Variants in PTPRG observed in about 807,000 individuals in gnomAD.
PTPRG encodes the protein receptor-type tyrosine-protein phosphatase gamma.
In PTPRG, 102 loss-of-function variants were observed where a neutral mutation model predicts 165.3. The ratio of observed to expected loss-of-function variants is 0.62; its 90% CI spans 0.53 to 0.73. The LOEUF (loss-of-function observed/expected upper bound fraction) is 0.73, where lower values mean the gene tolerates loss of function less well. Ranked by LOEUF, PTPRG falls within the 30% of genes least tolerant of loss-of-function variation. The pLI, the probability that PTPRG is intolerant of heterozygous loss-of-function variation, is 0.00. For synonymous variants in PTPRG, 675 were observed against 669.5 expected (o/e 1.01, Z -0.13); for missense variants, 1,866 against 1,861.4 (o/e 1.00, Z -0.05).
intron 4 of PTPRG, among the ~76,000 whole-genome samples, chr3:62,006,838 T>A (rs73091608): frequency 0.11 from 16,393 of 152,248 alleles, 1,125 homozygotes; most frequent in Middle Eastern, 0.22. Context: ...CTAAAAGGAA[T>A]CATCCAGCCC....
intron 1 of PTPRG, among the ~76,000 whole-genome samples, chr3:61,567,985 A>AG (rs1699960845): frequency 6.6e-6 from 1 of 151,458 alleles, no homozygotes; most frequent in South Asian, 2.1e-4. Flanking sequence ...AAAAAAAAAA[A>AG]GTTCATTTGC....
rs569598236 is a variant in PTPRG at position 62,219,583 on chromosome 3, C to G, written c.2288+600C>G. 1.3e-5 allele frequency among the ~76,000 whole-genome samples: 2 copies of G among 152,168 alleles called. No individual in the cohort carries two copies. Among genetic ancestry groups the G allele is most frequent in the African/African-American group, 2.4e-5 (1 of 41,432 alleles). On this transcript the variant is annotated intron_variant, in intron 13 of 29. Coordinates refer to ENST00000474889, the MANE Select transcript of PTPRG (RefSeq NM_002841.4). This position sits in a 1 kb window ranked among gnomAD's most constrained non-coding sequence, Gnocchi z 4.5. Reference sequence around the variant, plus strand: ...TGTTTAGAAGTTGTGTTTTTTCAGCCGGACCGTCTCAGCCAGCTCAGCTGA... The same window carrying G: ...TGTTTAGAAGTTGTGTTTTTTCAGCGGGACCGTCTCAGCCAGCTCAGCTGA...
intron 1 of PTPRG, among the ~76,000 whole-genome samples, chr3:61,713,741 C>T (rs1345496578): frequency 6.6e-6 from 1 of 152,102 alleles, no homozygotes; most frequent in Non-Finnish European, 1.5e-5. Flanking sequence ...GGCAGCGTGT[C>T]CCAATTTTTG....
At chr3:61,669,426 C>T (rs918540265) in intron 1 of PTPRG, among the ~76,000 whole-genome samples, 2 of 152,154 alleles carry the variant, frequency 1.3e-5, no homozygotes, top group African/African-American at 2.4e-5. Flanking sequence ...AATGACAGCA[C>T]AGTCACAGCT....
chr3:61,821,233 G>C (rs2035946099), intron 2 of PTPRG, among the ~76,000 whole-genome samples: 1 of 151,668 alleles, frequency 6.6e-6, no homozygotes, highest in African/African-American at 2.4e-5. Flanking sequence ...GCAGTGGCGT[G>C]ATCTTGGCTC....
intron 1 of PTPRG, among the ~76,000 whole-genome samples, chr3:61,563,617 A>G (rs1341744773): frequency 6.6e-6 from 1 of 152,122 alleles, no homozygotes. Context: ...CCTCTCATCC[A>G]TCAACTCCTG....
chr3:61,763,523 G>A (rs1212612807), intron 2 of PTPRG, among the ~76,000 whole-genome samples: 5 of 78,268 alleles, frequency 6.4e-5, no homozygotes, highest in African/African-American at 8.6e-5. Flanking sequence ...CTGCTACCAC[G>A]CCCAGCTAAT....
chr3:62,259,445 A>G (rs1215505301), intron 16 of PTPRG, among the ~76,000 whole-genome samples: 5 of 152,134 alleles, frequency 3.3e-5, no homozygotes, highest in Non-Finnish European at 7.4e-5. Flanking sequence ...AAGAAAGTTT[A>G]CGAATTTGTG....
chr3:62,282,314 C>T (rs1223483448), intron 27 of PTPRG, among the ~76,000 whole-genome samples: 2 of 151,938 alleles, frequency 1.3e-5, no homozygotes, highest in Non-Finnish European at 2.9e-5. Context: ...ACCCCAAACT[C>T]CTGGGCTCAA....
chr3:62,166,794 C>A (rs1012928420), intron 7 of PTPRG, among the ~76,000 whole-genome samples: 7 of 151,986 alleles, frequency 4.6e-5, no homozygotes, highest in African/African-American at 1.7e-4. Context: ...CCTCAAGTAA[C>A]CCTCTCACCT....
At chr3:61,751,659 G>A (rs563791268) in intron 2 of PTPRG, among the ~76,000 whole-genome samples, 14 of 152,266 alleles carry the variant, frequency 9.2e-5, no homozygotes, top group African/African-American at 3.4e-4. Context: ...TTCCCACATA[G>A]GATTGTTACA....
intron 2 of PTPRG, among the ~76,000 whole-genome samples, chr3:61,867,729 G>A (rs1047601365): frequency 1.3e-5 from 2 of 152,098 alleles, no homozygotes; most frequent in African/African-American, 2.4e-5. Flanking sequence ...TACTCTGAGC[G>A]TTTATCTTGC....
intron 1 of PTPRG, among the ~76,000 whole-genome samples, chr3:61,613,749 T>A (rs557661529): frequency 6.6e-6 from 1 of 152,218 alleles, no homozygotes; most frequent in Non-Finnish European, 1.5e-5. Context: ...GACCTCCTAA[T>A]AGAAGAGGGT....
chr3:61,906,663 C>T (rs2038664651), intron 2 of PTPRG, among the ~76,000 whole-genome samples: 1 of 151,918 alleles, frequency 6.6e-6, no homozygotes, highest in African/African-American at 2.4e-5. Flanking sequence ...GCCTGTAGTC[C>T]CAGCTCCTCT....
chr3:62,186,661 G>T (rs1214752132), intron 8 of PTPRG, among the ~76,000 whole-genome samples: 1 of 148,244 alleles, frequency 6.7e-6, no homozygotes. Flanking sequence ...TCACTTCTTG[G>T]GTTAAAGTGA....
chr3:62,174,852 G>A (rs1435746824), intron 8 of PTPRG, among the ~76,000 whole-genome samples: 2 of 152,168 alleles, frequency 1.3e-5, no homozygotes, highest in Non-Finnish European at 2.9e-5. Context: ...AAGTTACCTT[G>A]TTACTGCCAG....
chr3:61,617,438 T>C (rs1359120399), intron 1 of PTPRG, among the ~76,000 whole-genome samples: 1 of 152,196 alleles, frequency 6.6e-6, no homozygotes, highest in Non-Finnish European at 1.5e-5. Context: ...GTTCCTTTCC[T>C]TTTGCTTTCT....
intron 4 of PTPRG, 142 bp downstream of exon 4, chr3:62,003,639 G>C (rs565494953): frequency 1.9e-6 from 2 of 1,033,160 alleles, no homozygotes; most frequent in East Asian, 2.7e-5. Flanking sequence ...TTTATCCATA[G>C]TATGGCAGGT....
intron 19 of PTPRG, among the ~76,000 whole-genome samples, chr3:62,268,403 G>C (rs1701952949): frequency 6.6e-6 from 1 of 152,018 alleles, no homozygotes; most frequent in African/African-American, 2.4e-5. Context: ...TCACCACACT[G>C]GGTTGATAGG....
Sources: allele counts gnomAD v4.1 joint callset (sites outside exome capture counted in the v4.1 genomes callset), GRCh38; gene constraint gnomAD v4.1.1; non-coding constraint Gnocchi (gnomAD v3.1); transcripts MANE v1.5; gene names NCBI Gene and HGNC (gene_info 2026-07-23, HGNC 2026-07-21).